Variants in CAPN13 observed in about 807,000 individuals in gnomAD.
The protein encoded by CAPN13 is calpain 13.
A neutral mutation model predicts 98.4 loss-of-function variants in CAPN13; 90 were observed. The ratio of observed to expected loss-of-function variants is 0.92; its 90% CI spans 0.77 to 1.09. The LOEUF is 1.09. Ranked by LOEUF, CAPN13 falls within the 50% of genes least tolerant of loss-of-function variation. The pLI is 0.00. For missense variants in CAPN13, 887 were observed against 841.3 expected, an observed-to-expected ratio of 1.05 and a Z score of -0.67; for synonymous variants, 330 against 305.5, an observed-to-expected ratio of 1.08 and a Z score of -0.84.
intron 19 of CAPN13, 95 bp downstream of exon 19, chr2:30,734,354 G>T (rs1306788227): frequency 7.6e-6 from 7 of 916,892 alleles, no homozygotes; most frequent in Non-Finnish European, 1.2e-5. Context: ...TCTCCTGATT[G>T]CCTGGCACTG....
chr2:30,755,963 G>A (rs190665674), intron 8 of CAPN13, among the ~76,000 whole-genome samples: 1 of 152,160 alleles, frequency 6.6e-6, no homozygotes, highest in African/African-American at 2.4e-5. Context: ...TTCCTAAAAA[G>A]TAGGGAAGAA....
intron 1 of CAPN13, among the ~76,000 whole-genome samples, chr2:30,802,215 C>T (rs1014539918): frequency 8.6e-5 from 13 of 152,038 alleles, no homozygotes; most frequent in African/African-American, 2.4e-4. Flanking sequence ...TGGCCAAGCA[C>T]GTTGACTAAG....
rs372130291 is a variant in CAPN13 at position 30,754,308 on chromosome 2, C to T, written c.923G>A (p.Arg308Gln). ...DPRKSQLHKK[R>Q]EDGEFWMSCQ... ...TAAATACCAAAACTCGCCATCTTCC[C>T]GTTTCTTATGTAGCTGGCTTTTCCG... Residue 308 changes from arginine (R) to glutamine (Q), a missense_variant, in exon 9 of 23, where the codon CGG becomes CAG. Arg to Gln is a conservative substitution (Grantham distance 43). Coordinates refer to ENST00000295055, the MANE Select transcript of CAPN13 (RefSeq NM_144575.3). The T allele has an allele frequency of 2.7e-4, 440 of 1,606,744 alleles. No homozygotes were observed. In the East Asian group the frequency reaches 3.6e-3, roughly 13 times the overall value.
At chr2:30,764,091 G>A in intron 6 of CAPN13, 41 bp downstream of exon 6, 1 of 1,533,370 alleles carries the variant, frequency 6.5e-7, no homozygotes, top group South Asian at 1.2e-5. Context: ...CCTGGCTGAG[G>A]AAAGCTTGAA....
At chr2:30,738,891 G>A (rs1671519068) in intron 15 of CAPN13, among the ~76,000 whole-genome samples, 1 of 151,940 alleles carries the variant, frequency 6.6e-6, no homozygotes, top group African/African-American at 2.4e-5. Context: ...GTGTATGTGT[G>A]TGTGTGTGCG....
At chr2:30,743,798 CCA>C (rs1458508017) in intron 12 of CAPN13, 11 of 669,520 alleles carry the variant, frequency 1.6e-5, no homozygotes, top group South Asian at 3.0e-5. Context: ...CAAGGAAATA[CCA>C]CACACAGTTT....
At chr2:30,799,992 T>A (rs1340573377) in intron 1 of CAPN13, among the ~76,000 whole-genome samples, 3 of 151,826 alleles carry the variant, frequency 2.0e-5, no homozygotes, top group Non-Finnish European at 2.9e-5. Context: ...GAGAATGGCA[T>A]GAACCCGGGA....
At chr2:30,789,138 A>G (rs1433744145) in intron 1 of CAPN13, among the ~76,000 whole-genome samples, 1 of 152,220 alleles carries the variant, frequency 6.6e-6, no homozygotes, top group African/African-American at 2.4e-5. Flanking sequence ...CCCGCAACAA[A>G]TTAAATAGTG....
At position 30,753,060 on chromosome 2, in the gene CAPN13, G is replaced by A. The variant is rs771061250; in HGVS notation, c.1080C>T (p.Asn360=). ...CACCAGCGTCATGATTACCTGCAGT[G>A]TTTCCTAGAATCACTTGCTTCCTAA... ...IMFRKQVILG[N]TAGGPRNDAQ... is the part of the protein sequence containing the mutation. Residue 360 remains asparagine, a synonymous_variant, in exon 10 of 23, where the codon AAC becomes AAT. Transcript: ENST00000295055. The A allele has an allele frequency of 3.1e-6, 5 of 1,613,938 alleles. No homozygotes were observed. The highest frequency in any genetic ancestry group is 3.4e-6 in the Non-Finnish European group (4 of 1,179,864).
rs1672586644 is a variant in CAPN13 at position 30,758,651 on chromosome 2, A to C, written c.775-514T>G. Among the ~76,000 whole-genome samples the C allele has an allele frequency of 2.0e-5, 3 of 152,232 alleles. No individual in the cohort carries two copies. The South Asian group carries it at 6.2e-4, about 32-fold the overall frequency. On this transcript the variant is annotated intron_variant, in intron 7 of 22. Transcript: ENST00000295055. ...TGAGCAAGACTGAGATGGCCTGTGAACCAAGATAGCCAAGGCTAGCCCTCC... is the reference window on the plus strand; with the variant it reads ...TGAGCAAGACTGAGATGGCCTGTGACCCAAGATAGCCAAGGCTAGCCCTCC...
intron 2 of CAPN13, among the ~76,000 whole-genome samples, chr2:30,779,037 G>T (rs1230504673): frequency 6.6e-6 from 1 of 152,202 alleles, no homozygotes; most frequent in Non-Finnish European, 1.5e-5. Context: ...TGGAAAAGGG[G>T]ACTTAGGGTC....
rs115946848 is a variant in CAPN13, at chr2:30,792,790, G to A, written c.-32-5433C>T. On this transcript the variant is annotated intron_variant, in intron 1 of 22. Coordinates refer to ENST00000295055, the MANE Select transcript of CAPN13 (RefSeq NM_144575.3). ...AAAAATTACAGAGCAATATTCTCAC[G>A]AATAGAGAAGCAAAGAGCCTTAAAA... Among the ~76,000 whole-genome samples, 784 of 151,710 alleles carry A rather than the reference G, an allele frequency of 5.2e-3. 7 individuals are homozygous for A. Among genetic ancestry groups the A allele is most frequent in the African/African-American group, 0.018 (743 of 41,430 alleles).
intron 11 of CAPN13, among the ~76,000 whole-genome samples, chr2:30,747,756 T>G (rs1310866156): frequency 6.6e-6 from 1 of 152,228 alleles, no homozygotes; most frequent in African/African-American, 2.4e-5. Flanking sequence ...TACATTGTTG[T>G]TTCTCAGCTG....
chr2:30,802,755 C>T lies in CAPN13; in HGVS notation c.-33+4547G>A, dbSNP rs72853803. 6.1e-3 allele frequency among the ~76,000 whole-genome samples: 922 copies of T among 152,242 alleles called. 3 individuals are homozygous for T. The highest frequency in any genetic ancestry group is 0.021 in the African/African-American group (874 of 41,546). ...GGGGAGATGGTGGGAAGGACAGGAC[C>T]TGGGGCAGGGGGTACAGGCCTGGGA... On this transcript the variant is annotated intron_variant, in intron 1 of 22. Transcript: ENST00000295055.
intron 8 of CAPN13, among the ~76,000 whole-genome samples, chr2:30,756,269 T>C (rs1209228318): frequency 6.6e-6 from 1 of 152,154 alleles, no homozygotes; most frequent in Non-Finnish European, 1.5e-5. Context: ...TCAGGCCGGC[T>C]TGTTGGCCCG....
intron 14 of CAPN13, 131 bp downstream of exon 14, chr2:30,742,195 T>C: frequency 8.3e-7 from 1 of 1,202,038 alleles, no homozygotes; most frequent in Non-Finnish European, 1.2e-6. Context: ...CTTTGAGCCT[T>C]CATCGGCCTA....
At chr2:30,736,144 A>G (rs569901360) in intron 18 of CAPN13, among the ~76,000 whole-genome samples, 2 of 133,218 alleles carry the variant, frequency 1.5e-5, no homozygotes, top group South Asian at 2.6e-4. Context: ...GGCCACATCT[A>G]TGTTTTCGAC....
intron 21 of CAPN13, 69 bp from the exon 22 acceptor site, chr2:30,730,855 G>A (rs909895653): frequency 8.5e-5 from 66 of 777,264 alleles, no homozygotes; most frequent in Admixed American, 2.2e-4. Flanking sequence ...CAGGGCAAAT[G>A]CCACCCTCCT....
chr2:30,782,831 C>A (rs1160000559), intron 2 of CAPN13, among the ~76,000 whole-genome samples: 1 of 152,252 alleles, frequency 6.6e-6, no homozygotes, highest in Non-Finnish European at 1.5e-5. Flanking sequence ...TGAAGCTCTA[C>A]TGTCTACCAT....
Sources: allele counts gnomAD v4.1 joint callset (sites outside exome capture counted in the v4.1 genomes callset), GRCh38; gene constraint gnomAD v4.1.1; transcripts MANE v1.5; gene names NCBI Gene and HGNC (gene_info 2026-07-23, HGNC 2026-07-21).